Variants in CADM2 observed in about 807,000 individuals in gnomAD.
CADM2 encodes cell adhesion molecule 2.
CADM2 carries 12 observed loss-of-function variants against 49.8 expected under a neutral mutation model. That is an observed-to-expected ratio of 0.24 (90% CI 0.15 to 0.39). CADM2 has a LOEUF of 0.39. CADM2 is among the 10% of genes least tolerant of loss of function. The pLI, the probability that CADM2 is intolerant of heterozygous loss-of-function variation, is 1.00. For synonymous variants in CADM2, 214 were observed against 175.4 expected (o/e 1.22, Z -1.74); for missense variants, 378 against 492.3 (o/e 0.77, Z 2.20).
intron 1 of CADM2, among the ~76,000 whole-genome samples, chr3:85,071,031 T>C (rs865827957): frequency 2.2e-4 from 31 of 142,714 alleles, no homozygotes; most frequent in South Asian, 1.3e-3. Flanking sequence ...AACAAATAAA[T>C]AAATAAATAA....
chr3:85,842,204 T>C (rs1006956995), intron 3 of CADM2, among the ~76,000 whole-genome samples: 5 of 152,098 alleles, frequency 3.3e-5, no homozygotes, highest in Admixed American at 2.0e-4. Context: ...GAAAATCTGT[T>C]CTGCGAGGTC....
chr3:85,463,013 C>T (rs578073018), intron 1 of CADM2, among the ~76,000 whole-genome samples: 6 of 152,204 alleles, frequency 3.9e-5, no homozygotes, highest in South Asian at 2.1e-4. Flanking sequence ...GGAAACTATA[C>T]TACACTATAG....
At chr3:85,909,122 C>T (rs1375730904) in intron 5 of CADM2, among the ~76,000 whole-genome samples, 4 of 152,032 alleles carry the variant, frequency 2.6e-5, no homozygotes, top group African/African-American at 4.8e-5. Flanking sequence ...GACCTCACAC[C>T]GCTTTTGATG....
At chr3:85,121,758 C>T (rs1049600549) in intron 1 of CADM2, among the ~76,000 whole-genome samples, 1 of 152,104 alleles carries the variant, frequency 6.6e-6, no homozygotes, top group Non-Finnish European at 1.5e-5. Flanking sequence ...TCACACTTCC[C>T]TAACTACAGT....
chr3:85,457,121 AG>A (rs753629929), intron 1 of CADM2, among the ~76,000 whole-genome samples: 22 of 152,186 alleles, frequency 1.4e-4, no homozygotes, highest in Non-Finnish European at 2.6e-4. Flanking sequence ...AAAAAAGAAA[AG>A]CAAAGAAAGG....
At chr3:85,730,489 CT>C (rs2067885899) in intron 2 of CADM2, among the ~76,000 whole-genome samples, 1 of 135,184 alleles carries the variant, frequency 7.4e-6, no homozygotes, top group African/African-American at 3.1e-5. Context: ...TATAAAAAAT[CT>C]CATTCTTCAG....
At chr3:85,051,481 C>T (rs758594446) in intron 1 of CADM2, among the ~76,000 whole-genome samples, 1 of 152,048 alleles carries the variant, frequency 6.6e-6, no homozygotes, top group Non-Finnish European at 1.5e-5. Flanking sequence ...AAAGCTACTC[C>T]CAAAGTATAG....
At chr3:85,806,058 G>A (rs1438350074) in intron 3 of CADM2, among the ~76,000 whole-genome samples, 1 of 151,898 alleles carries the variant, frequency 6.6e-6, no homozygotes, top group East Asian at 1.9e-4. Flanking sequence ...ATGCAGCTGT[G>A]ATTGAGACAC....
At chr3:85,373,138 CCT>C (rs1277945674) in intron 1 of CADM2, among the ~76,000 whole-genome samples, 2 of 152,228 alleles carry the variant, frequency 1.3e-5, no homozygotes, top group Admixed American at 1.3e-4. Context: ...CCCAAAGTAT[CCT>C]CTGTTACAAG....
At chr3:85,070,359 G>C (rs2036682337) in intron 1 of CADM2, among the ~76,000 whole-genome samples, 1 of 152,078 alleles carries the variant, frequency 6.6e-6, no homozygotes, top group African/African-American at 2.4e-5. Flanking sequence ...AAAATGTGAA[G>C]CATAGCTATA....
intron 1 of CADM2, among the ~76,000 whole-genome samples, chr3:84,975,857 C>T (rs1248605028): frequency 2.0e-5 from 3 of 151,808 alleles, no homozygotes; most frequent in Admixed American, 6.6e-5. Context: ...AGTGAATGCA[C>T]TGCTAGACCT....
chr3:85,220,263 G>A (rs1307891471), intron 1 of CADM2, among the ~76,000 whole-genome samples: 1 of 152,006 alleles, frequency 6.6e-6, no homozygotes, highest in Admixed American at 6.6e-5. Flanking sequence ...CTGAGAAAGT[G>A]CCAATTAATT....
At chr3:85,349,031 T>G (rs2031066294) in intron 1 of CADM2, among the ~76,000 whole-genome samples, 5 of 152,168 alleles carry the variant, frequency 3.3e-5, no homozygotes, top group Admixed American at 3.3e-4. Context: ...ATCATAATTT[T>G]CTGTATAACC....
At position 85,864,668 on chromosome 3, in the gene CADM2, A is replaced by G. The variant is rs148098938; in HGVS notation, c.239-18623A>G. Among the ~76,000 whole-genome samples the G allele has an allele frequency of 3.7e-3, 568 of 152,324 alleles. 1 individual carries two copies. Among genetic ancestry groups the G allele is most frequent in the Middle Eastern group, 0.01 (3 of 294 alleles). ...TCAAGTGACTGTACTTTCTAATACT[A>G]TTTAAAATTACTTCTTTACATATTG... On this transcript the variant is annotated intron_variant, in intron 3 of 9. Coordinates refer to ENST00000383699, the MANE Select transcript of CADM2 (RefSeq NM_001167675.2).
intron 1 of CADM2, among the ~76,000 whole-genome samples, chr3:84,976,467 G>A (rs924523158): frequency 6.6e-6 from 1 of 151,480 alleles, no homozygotes; most frequent in Admixed American, 6.6e-5. Flanking sequence ...TATTTCAAAA[G>A]TATTTTTCCT....
chr3:84,974,636 G>A (rs1341799212), intron 1 of CADM2, among the ~76,000 whole-genome samples: 1 of 151,878 alleles, frequency 6.6e-6, no homozygotes. Context: ...CATTAAGTAA[G>A]GCATAGCTTT....
chr3:85,519,828 A>G (rs1464413760), intron 1 of CADM2, among the ~76,000 whole-genome samples: 1 of 152,090 alleles, frequency 6.6e-6, no homozygotes, highest in African/African-American at 2.4e-5. Flanking sequence ...ACTATTTTAA[A>G]TATATGAATA....
At chr3:85,299,682 GT>G (rs1311615354) in intron 1 of CADM2, among the ~76,000 whole-genome samples, 2 of 151,988 alleles carry the variant, frequency 1.3e-5, no homozygotes, top group Non-Finnish European at 2.9e-5. Context: ...TGGGATGTGG[GT>G]TGTGGAGGGC....
intron 8 of CADM2, among the ~76,000 whole-genome samples, chr3:86,044,874 C>G (rs1264224103): frequency 2.0e-5 from 3 of 152,080 alleles, no homozygotes; most frequent in Non-Finnish European, 4.4e-5. Context: ...AAATACTATG[C>G]AGCCATAAAA....
Sources: gnomAD v4.1 joint callset for allele counts (sites outside exome capture counted in the v4.1 genomes callset) on GRCh38, gnomAD v4.1.1 for gene constraint, MANE v1.5 for transcripts, NCBI Gene and HGNC (gene_info 2026-07-23, HGNC 2026-07-21) for gene names.